NSUN3: variants seen among roughly 807,000 people sequenced by gnomAD.
The protein encoded by NSUN3 is tRNA (cytosine(34)-C(5))-methyltransferase, mitochondrial.
Under a neutral mutation model 36.8 loss-of-function variants are expected in NSUN3, and 24 were observed. The observed-to-expected ratio is 0.65, with a 90% CI of 0.47 to 0.92. The LOEUF is 0.92. NSUN3 is among the 40% of genes least tolerant of loss of function. The pLI is 0.00. For missense variants in NSUN3, 381 were observed against 392.8 expected (o/e 0.97, Z 0.25); for synonymous variants, 146 against 145.2 (o/e 1.01, Z -0.04).
chr3:94,105,293 G>T (rs149424404), intron 5 of NSUN3, among the ~76,000 whole-genome samples: 1 of 152,104 alleles, frequency 6.6e-6, no homozygotes, highest in East Asian at 1.9e-4. Context: ...GAAAAACCAC[G>T]ATCCAGCCTA....
chr3:94,126,469 A>T lies in NSUN3; in HGVS notation c.1002A>T (p.Ser334=). The T allele has an allele frequency of 1.2e-6, 2 of 1,609,104 alleles. No homozygotes were observed. The highest frequency in any genetic ancestry group is 1.1e-5 in the South Asian group (1 of 90,962). ...TGTATGTAGCCAAATTGAAGAAATCATGGAGCACAGGAAAATGGTGACATG... is the reference window on the plus strand; with the variant it reads ...TGTATGTAGCCAAATTGAAGAAATCTTGGAGCACAGGAAAATGGTGACATG... ...GPMYVAKLKK[S]WSTGKW Residue 334 remains serine (S), a synonymous_variant, in exon 6 of 6, where the codon TCA becomes TCT. Transcript: ENST00000314622.
At chr3:94,089,949 A>G (rs538890812) in intron 3 of NSUN3, among the ~76,000 whole-genome samples, 10 of 152,216 alleles carry the variant, frequency 6.6e-5, no homozygotes, top group Non-Finnish European at 1.0e-4. Flanking sequence ...CTTTTAGTAC[A>G]TAGGACAGTA....
chr3:94,112,728 T>C lies in NSUN3; in HGVS notation c.744-13483T>C, dbSNP rs571686491. Among the ~76,000 whole-genome samples the C allele has an allele frequency of 7.2e-5, 11 of 152,346 alleles. No homozygotes were observed. In the South Asian group the frequency reaches 2.3e-3, roughly 32 times the overall value. On this transcript the variant is annotated intron_variant, in intron 5 of 5. Transcript: ENST00000314622. ...GTTATTACAAGGCAGTTTAGGAAATTAGCCTTGGCTGTGCCCAATTAAAAA... is the reference window on the plus strand; with the variant it reads ...GTTATTACAAGGCAGTTTAGGAAATCAGCCTTGGCTGTGCCCAATTAAAAA...
At position 94,094,328 on chromosome 3, in the gene NSUN3, G is replaced by A. The variant is rs760396488; in HGVS notation, c.621+34G>A. ...ATTACATTGTGACAAACTGATGGAC[G>A]CCCAGTAATACCACTATTATGTTGC... is the stretch of plus-strand genomic sequence containing the variant. On this transcript the variant is annotated intron_variant, in intron 4 of 5. Coordinates refer to ENST00000314622, the MANE Select transcript of NSUN3 (RefSeq NM_022072.5). 53 of 1,576,126 alleles carry A rather than the reference G, an allele frequency of 3.4e-5. No homozygotes were observed. The Admixed American group carries it at 6.3e-4, about 19-fold the overall frequency.
rs1432493100 is a variant in NSUN3 at position 94,127,813 on chromosome 3, G to T, written c.*1323G>T. ...TTTGCTTATTAATATTTTTTGTTTTGCAAGCATATGTAACCCGGTTTATAT... is the reference window on the plus strand; with the variant it reads ...TTTGCTTATTAATATTTTTTGTTTTTCAAGCATATGTAACCCGGTTTATAT... On this transcript the variant is annotated 3_prime_UTR_variant, in exon 6 of 6. Transcript: ENST00000314622. 2 of 151,990 alleles carry T rather than the reference G, an allele frequency of 1.3e-5. No homozygotes were observed. The highest frequency in any genetic ancestry group is 6.6e-5 in the Admixed American group (1 of 15,258). 9.4% of individuals were successfully genotyped at this position (151,990 alleles called of 1,614,324 possible). A position where few individuals can be genotyped will look rare whatever the true frequency, so the allele number is the denominator to read the frequency against.
intron 4 of NSUN3, 144 bp from the exon 5 acceptor site, chr3:94,094,889 C>T: frequency 2.6e-6 from 2 of 765,132 alleles, no homozygotes; most frequent in Non-Finnish European, 4.2e-6. Context: ...GAAAAACCTA[C>T]TGTGGTGTAT....
intron 5 of NSUN3, among the ~76,000 whole-genome samples, chr3:94,122,240 T>C (rs901985026): frequency 4.6e-5 from 7 of 151,866 alleles, no homozygotes; most frequent in African/African-American, 1.7e-4. Context: ...CTTTAATTTG[T>C]ATTACAGAAA....
At chr3:94,068,261 C>T (rs2077212937) in intron 2 of NSUN3, among the ~76,000 whole-genome samples, 1 of 152,122 alleles carries the variant, frequency 6.6e-6, no homozygotes, top group African/African-American at 2.4e-5. Flanking sequence ...TATGCATTAG[C>T]ATTATTTTTG....
intron 2 of NSUN3, chr3:94,076,849 A>C (rs2107241087): frequency 6.4e-7 from 1 of 1,572,866 alleles, no homozygotes; most frequent in Non-Finnish European, 8.7e-7. Context: ...TAACTGAACC[A>C]AAACCTCCAA....
At position 94,106,530 on chromosome 3, in the gene NSUN3, T is replaced by G. The variant is rs147259317; in HGVS notation, c.743+11376T>G. ...TGACGGCATTAGGTAACTATCAACC[T>G]AGAAATGTCTGTGTTTTAGATTCTT... On this transcript the variant is annotated intron_variant, in intron 5 of 5. Transcript: ENST00000314622. Among the ~76,000 whole-genome samples the G allele has an allele frequency of 1.9e-3, 287 of 152,328 alleles. 3 individuals carry two copies. Among genetic ancestry groups the G allele is most frequent in the Non-Finnish European group, 3.3e-3 (227 of 68,020 alleles).
chr3:94,088,367 T>G lies in NSUN3; in HGVS notation c.466+3917T>G, dbSNP rs570569187. ...TTCTCTCACTTTCTCCCAACAACTT[T>G]TGTTATATCCTCATATATAAATCTT... is the stretch of plus-strand genomic sequence containing the variant. On this transcript the variant is annotated intron_variant, in intron 3 of 5. Coordinates refer to ENST00000314622, the MANE Select transcript of NSUN3 (RefSeq NM_022072.5). Among the ~76,000 whole-genome samples, 3 of 152,166 alleles carry G rather than the reference T, an allele frequency of 2.0e-5. No homozygotes were observed. The East Asian group carries it at 5.8e-4, about 29-fold the overall frequency.
intron 2 of NSUN3, chr3:94,082,147 T>A (rs1560031813): frequency 6.6e-6 from 1 of 152,162 alleles, no homozygotes; most frequent in Non-Finnish European, 1.5e-5. Flanking sequence ...CTGGATAGAT[T>A]TTTCAGCCTG....
At chr3:94,115,271 A>G (rs2077435079) in intron 5 of NSUN3, among the ~76,000 whole-genome samples, 1 of 152,126 alleles carries the variant, frequency 6.6e-6, no homozygotes, top group Admixed American at 6.5e-5. Flanking sequence ...GCTTATTTTA[A>G]ATTTTTTAAA....
intron 4 of NSUN3, 39 bp from the exon 5 acceptor site, chr3:94,094,994 T>A: frequency 6.2e-7 from 1 of 1,606,914 alleles, no homozygotes; most frequent in Non-Finnish European, 8.5e-7. Flanking sequence ...GAATAGATTG[T>A]CAGTGCATAT....
chr3:94,075,263 C>CA (rs942093263), intron 2 of NSUN3, among the ~76,000 whole-genome samples: 18 of 149,810 alleles, frequency 1.2e-4, no homozygotes, highest in East Asian at 4.1e-4. Flanking sequence ...AACAAACAAA[C>CA]AAAAAAAAGC....
intron 5 of NSUN3, among the ~76,000 whole-genome samples, chr3:94,099,700 A>C (rs1314026686): frequency 1.3e-5 from 2 of 151,962 alleles, no homozygotes; most frequent in Non-Finnish European, 2.9e-5. Flanking sequence ...AAATGATCGG[A>C]GTCCTGACAT....
intron 5 of NSUN3, among the ~76,000 whole-genome samples, chr3:94,098,992 A>G (rs560559396): frequency 1.2e-4 from 18 of 152,188 alleles, no homozygotes; most frequent in African/African-American, 3.6e-4. Flanking sequence ...TTTTATTCCT[A>G]CCATATAATT....
chr3:94,123,667 C>T (rs1172149921), intron 5 of NSUN3, among the ~76,000 whole-genome samples: 1 of 152,066 alleles, frequency 6.6e-6, no homozygotes, highest in East Asian at 1.9e-4. Flanking sequence ...CTCAGATTAC[C>T]ACCCCTGGCT....
chr3:94,128,494 AT>A lies in NSUN3; in HGVS notation c.*2005del. The A allele has an allele frequency of 6.6e-6, 1 of 151,426 alleles. No homozygotes were observed. The highest frequency in any genetic ancestry group is 1.5e-5 in the Non-Finnish European group (1 of 67,918). The allele number at this position is 151,426 out of a possible 1,614,324, so 9.4% of individuals were successfully genotyped here. On this transcript the variant is annotated 3_prime_UTR_variant, in exon 6 of 6. Coordinates refer to ENST00000314622, the MANE Select transcript of NSUN3 (RefSeq NM_022072.5). ...TCCCAGTATAATGCGATGAAGCTTA[AT>A]CTGAATACTTGGTATGCTATTGAAT...
Sources: allele counts gnomAD v4.1 joint callset (sites outside exome capture counted in the v4.1 genomes callset), GRCh38; gene constraint gnomAD v4.1.1; transcripts MANE v1.5; gene names NCBI Gene and HGNC (gene_info 2026-07-23, HGNC 2026-07-21).